The following REEP1 variants were observed in gnomAD, a reference collection of about 807,000 sequenced individuals.
The protein encoded by REEP1 is receptor expression-enhancing protein 1.
Under a neutral mutation model 40.3 loss-of-function variants are expected in REEP1, and 22 were observed. The ratio of observed to expected loss-of-function variants is 0.55; its 90% CI spans 0.39 to 0.78. The LOEUF (loss-of-function observed/expected upper bound fraction) is 0.78. REEP1 is among the 30% of genes least tolerant of loss of function. REEP1 has a pLI of 0.00. For missense variants in REEP1, 280 were observed against 361.1 expected (o/e 0.78, Z 1.82); for synonymous variants, 116 against 139.2 (o/e 0.83, Z 1.17).
intron 1 of REEP1, among the ~76,000 whole-genome samples, chr2:86,331,115 T>C (rs911776156): frequency 6.6e-6 from 1 of 152,236 alleles, no homozygotes; most frequent in Non-Finnish European, 1.5e-5. Flanking sequence ...TGCTTTGTTG[T>C]ATTCTTCACT....
rs191237493 is a variant in REEP1, at chr2:86,238,013, C to T, written c.418-5211G>A. Among the ~76,000 whole-genome samples the T allele has an allele frequency of 4.8e-4, 73 of 152,200 alleles. 1 individual carries two copies. The East Asian group carries it at 0.014, about 29-fold the overall frequency. Reference sequence around the variant, plus strand: ...CCTGTCCAACATGGAGAAACTCCATCTCTACTAAAAATACAAAATTAGCCA... The same window carrying T: ...CCTGTCCAACATGGAGAAACTCCATTTCTACTAAAAATACAAAATTAGCCA... On this transcript the variant is annotated intron_variant, in intron 5 of 8. Coordinates refer to ENST00000538924, the MANE Select transcript of REEP1 (RefSeq NM_001371279.1).
At chr2:86,275,402 G>C (rs191214656) in intron 2 of REEP1, among the ~76,000 whole-genome samples, 3 of 152,196 alleles carry the variant, frequency 2.0e-5, no homozygotes, top group African/African-American at 7.2e-5. Context: ...ATTACAGAGG[G>C]ACTGCCCTTC....
rs1680497325 is a variant in REEP1, at chr2:86,326,317, T to C, written c.32+11162A>G. Among the ~76,000 whole-genome samples, 3 of 152,196 alleles carry C rather than the reference T, an allele frequency of 2.0e-5. No homozygotes were observed. In the South Asian group the frequency reaches 6.2e-4, roughly 32 times the overall value. ...ATTGACCAAGCTATGAATCAATCAA[T>C]CAGTCTTGAGCAAGGACAGAAGTCC... On this transcript the variant is annotated intron_variant, in intron 1 of 8. Coordinates refer to ENST00000538924, the MANE Select transcript of REEP1 (RefSeq NM_001371279.1).
At chr2:86,249,768 T>C (rs1178631194) in intron 5 of REEP1, among the ~76,000 whole-genome samples, 3 of 149,762 alleles carry the variant, frequency 2.0e-5, no homozygotes, top group Non-Finnish European at 4.5e-5. Context: ...CTAGATTGGA[T>C]TTTTGGATTT....
intron 1 of REEP1, among the ~76,000 whole-genome samples, chr2:86,293,535 GTCAAAGC>G (rs1265773116): frequency 6.6e-6 from 1 of 152,240 alleles, no homozygotes; most frequent in African/African-American, 2.4e-5. Flanking sequence ...GTATGCACTT[GTCAAAGC>G]TCACAAAACT....
chr2:86,292,142 T>C (rs1468511508), intron 1 of REEP1, among the ~76,000 whole-genome samples: 1 of 152,120 alleles, frequency 6.6e-6, no homozygotes, highest in Non-Finnish European at 1.5e-5. Context: ...AGCTGTGGAG[T>C]GGCAAGCATG....
intron 2 of REEP1, among the ~76,000 whole-genome samples, chr2:86,271,018 C>T (rs776322520): frequency 1.4e-5 from 2 of 143,246 alleles, no homozygotes; most frequent in African/African-American, 2.5e-5. Context: ...TTGGCAATAC[C>T]CTGTCTCTAC....
chr2:86,256,524 A>G (rs1018211866), intron 3 of REEP1, among the ~76,000 whole-genome samples: 2 of 151,534 alleles, frequency 1.3e-5, no homozygotes, highest in African/African-American at 2.4e-5. Context: ...AGCCCCATAT[A>G]CCCCAGAGCC....
intron 2 of REEP1, among the ~76,000 whole-genome samples, chr2:86,273,171 C>G (rs11695402): frequency 2.0e-5 from 3 of 151,494 alleles, no homozygotes; most frequent in Non-Finnish European, 4.4e-5. Context: ...AAACCTAAAG[C>G]GGGTGACTTT....
intron 1 of REEP1, among the ~76,000 whole-genome samples, chr2:86,318,348 G>C (rs912056030): frequency 6.6e-6 from 1 of 150,608 alleles, no homozygotes; most frequent in Non-Finnish European, 1.5e-5. Context: ...CTCTCTTCTT[G>C]ACATTATTTT....
chr2:86,259,657 G>A (rs1202492348), intron 3 of REEP1, among the ~76,000 whole-genome samples: 2 of 151,940 alleles, frequency 1.3e-5, no homozygotes, highest in Non-Finnish European at 2.9e-5. Flanking sequence ...CAAAGTGCTG[G>A]GATTACAGGC....
chr2:86,259,713 A>T (rs970907753), intron 3 of REEP1, among the ~76,000 whole-genome samples: 1 of 152,168 alleles, frequency 6.6e-6, no homozygotes, highest in African/African-American at 2.4e-5. Flanking sequence ...CTAAAAAAAA[A>T]AACTAAATGA....
chr2:86,217,489 C>CTAA lies in REEP1; in HGVS notation c.784-382_784-380dup, dbSNP rs369747975. On this transcript the variant is annotated intron_variant, in intron 8 of 8. Transcript: ENST00000538924. ...TTTGTTATTTCCTTTGGGAACCAGC[C>CTAA]TAATGTGTTTTGGTACATGCCTCAA... Among the ~76,000 whole-genome samples the CTAA allele has an allele frequency of 2.5e-3, 386 of 152,192 alleles. 2 individuals are homozygous for CTAA. The highest frequency in any genetic ancestry group is 8.4e-3 in the African/African-American group (348 of 41,514).
chr2:86,227,711 T>G (rs985389734), intron 6 of REEP1, among the ~76,000 whole-genome samples: 3 of 152,124 alleles, frequency 2.0e-5, no homozygotes, highest in Non-Finnish European at 1.5e-5. Context: ...GCCCAAAGCC[T>G]CCTCCTCTCT....
intron 1 of REEP1, among the ~76,000 whole-genome samples, chr2:86,313,505 G>A (rs1243279553): frequency 6.6e-6 from 1 of 152,112 alleles, no homozygotes; most frequent in Non-Finnish European, 1.5e-5. Context: ...TTTTATGAAT[G>A]GAAAGGCTGG....
chr2:86,215,023 C>CTTTTTTTTTTTTTTTTT lies in REEP1; in HGVS notation c.*1999_*2015dup, dbSNP rs11350708. The CTTTTTTTTTTTTTTTTT allele has an allele frequency of 1.0e-4, 6 of 59,560 alleles. No homozygotes were observed. The highest frequency in any genetic ancestry group is 2.9e-4 in the Admixed American group (1 of 3,470). 3.7% of individuals were successfully genotyped at this position (59,560 alleles called of 1,614,324 possible). On this transcript the variant is annotated 3_prime_UTR_variant, in exon 9 of 9. Coordinates refer to ENST00000538924, the MANE Select transcript of REEP1 (RefSeq NM_001371279.1). ...AAAAATTGCTAAGAAGCTGTGTAAGCTTTTTTTTTTTTTTTTTTTTTTTGC... is the reference window on the plus strand; with the variant it reads ...AAAAATTGCTAAGAAGCTGTGTAAGCTTTTTTTTTTTTTTTTTTTTTTTTTTTTTTTTTTTTTTTTGC...
chr2:86,337,853 C>A (rs1350548646), upstream of REEP1, among the ~76,000 whole-genome samples: 1 of 152,100 alleles, frequency 6.6e-6, no homozygotes, highest in Non-Finnish European at 1.5e-5. The surrounding 1 kb of genome is among the most constrained non-coding windows in gnomAD (Gnocchi z 5.8). Context: ...GCCAAAGGAA[C>A]CCTGCAGCGG....
chr2:86,288,057 CCATTGTG>C (rs1441074718), intron 1 of REEP1, among the ~76,000 whole-genome samples: 2,869 of 146,994 alleles, frequency 0.02, 215 homozygotes, highest in African/African-American at 0.073. Flanking sequence ...AGTCTCGCTC[CCATTGTG>C]CAGGCTGGAG....
intron 1 of REEP1, among the ~76,000 whole-genome samples, chr2:86,296,101 C>T (rs1043083489): frequency 1.3e-5 from 2 of 152,016 alleles, no homozygotes; most frequent in Admixed American, 6.5e-5. Context: ...TCATAGGTGA[C>T]CATAAGGGAA....
Sources: gnomAD v4.1 joint callset for allele counts (sites outside exome capture counted in the v4.1 genomes callset) on GRCh38, gnomAD v4.1.1 for gene constraint, Gnocchi (gnomAD v3.1) non-coding constraint, MANE v1.5 for transcripts, NCBI Gene and HGNC (gene_info 2026-07-23, HGNC 2026-07-21) for gene names.